NRXN3: variants seen among roughly 807,000 people sequenced by gnomAD.
NRXN3 encodes the protein neurexin III.
In NRXN3, 32 loss-of-function variants were observed where a neutral mutation model predicts 137.6. That is an observed-to-expected ratio of 0.23 (90% CI 0.18 to 0.31). The LOEUF (loss-of-function observed/expected upper bound fraction) is 0.31. Ranked by LOEUF, NRXN3 falls within the 10% of genes least tolerant of loss-of-function variation. The probability of loss-of-function intolerance (pLI) is 1.00; values close to 1 mark genes in which losing one functional copy is unlikely to be tolerated. For synonymous variants in NRXN3, 798 were observed against 784.5 expected, an observed-to-expected ratio of 1.02 and a Z score of -0.29; for missense variants, 1,574 against 2,062.5, an observed-to-expected ratio of 0.76 and a Z score of 4.59.
At chr14:79,114,791 G>T (rs1273188222) in intron 15 of NRXN3, among the ~76,000 whole-genome samples, 1 of 152,090 alleles carries the variant, frequency 6.6e-6, no homozygotes, top group Non-Finnish European at 1.5e-5. Flanking sequence ...GTCTCCCAAA[G>T]TGCTGAGATT....
chr14:79,594,180 G>T (rs1381420011), intron 16 of NRXN3, among the ~76,000 whole-genome samples: 1 of 152,168 alleles, frequency 6.6e-6, no homozygotes, highest in Non-Finnish European at 1.5e-5. Context: ...AAGCATGAAA[G>T]TTTTAGAAAT....
At chr14:78,562,118 G>A (rs141419125) in intron 4 of NRXN3, among the ~76,000 whole-genome samples, 2 of 152,180 alleles carry the variant, frequency 1.3e-5, no homozygotes, top group East Asian at 3.9e-4. Flanking sequence ...GCTGAGGCAG[G>A]TGGGGCACGA....
intron 4 of NRXN3, among the ~76,000 whole-genome samples, chr14:78,433,446 A>T (rs1374335937): frequency 6.6e-6 from 1 of 152,020 alleles, no homozygotes; most frequent in African/African-American, 2.4e-5. Context: ...CTGGGTGGCT[A>T]CTGTGTTTGA....
intron 15 of NRXN3, among the ~76,000 whole-genome samples, chr14:79,262,620 T>C (rs2077802069): frequency 6.6e-6 from 1 of 152,176 alleles, no homozygotes; most frequent in African/African-American, 2.4e-5. Flanking sequence ...CAAATATTTG[T>C]CAAAAGCATA....
intron 6 of NRXN3, among the ~76,000 whole-genome samples, chr14:78,658,884 G>A (rs1014997878): frequency 6.6e-6 from 1 of 152,214 alleles, no homozygotes; most frequent in African/African-American, 2.4e-5. Flanking sequence ...GAGCAAGGTG[G>A]AAAGAAGTGA....
intron 16 of NRXN3, among the ~76,000 whole-genome samples, chr14:79,656,164 G>C (rs190523756): frequency 2.0e-5 from 3 of 152,186 alleles, no homozygotes; most frequent in Admixed American, 6.5e-5. Context: ...AGGGCTTAAG[G>C]TTTCTTTATG....
chr14:79,386,439 A>G (rs1320624911), intron 15 of NRXN3, among the ~76,000 whole-genome samples: 1 of 152,124 alleles, frequency 6.6e-6, no homozygotes, highest in Non-Finnish European at 1.5e-5. Context: ...CCACTGCTCA[A>G]TGAAATAAAA....
intron 15 of NRXN3, among the ~76,000 whole-genome samples, chr14:79,465,098 G>C (rs910023438): frequency 2.0e-5 from 3 of 152,052 alleles, no homozygotes; most frequent in African/African-American, 7.2e-5. Context: ...TGCATTTTCT[G>C]GTGATTCTAT....
Position 79,326,067 on chromosome 14 carries a change from T to C in NRXN3, c.3263-141154T>C, listed in dbSNP as rs568148373. 1.2e-3 allele frequency among the ~76,000 whole-genome samples: 177 copies of C among 152,364 alleles called. 2 individuals are homozygous for C. Among genetic ancestry groups the C allele is most frequent in the Non-Finnish European group, 1.2e-3 (83 of 68,038 alleles). On this transcript the variant is annotated intron_variant, in intron 15 of 20. Transcript: ENST00000335750. ...TAAAAGCAGCTGCCTTTCCAAGTAC[T>C]GTCTATTTGCATTGATATTTACATT... is the stretch of plus-strand genomic sequence containing the variant.
chr14:78,455,144 A>G lies in NRXN3; in HGVS notation c.757+157284A>G, dbSNP rs546350467. Among the ~76,000 whole-genome samples the G allele has an allele frequency of 4.6e-4, 70 of 152,244 alleles. 1 individual carries two copies. Among genetic ancestry groups the G allele is most frequent in the Admixed American group, 9.8e-4 (15 of 15,290 alleles). Reference sequence around the variant, plus strand: ...GGAGCATTGCCGTCTTTCTGGAGAGACCATCAAGTGTCGCAACTGCACTGC... The same window carrying G: ...GGAGCATTGCCGTCTTTCTGGAGAGGCCATCAAGTGTCGCAACTGCACTGC... On this transcript the variant is annotated intron_variant, in intron 4 of 20. Transcript: ENST00000335750.
chr14:79,626,271 A>G (rs935221463), intron 16 of NRXN3, among the ~76,000 whole-genome samples: 1 of 151,630 alleles, frequency 6.6e-6, no homozygotes, highest in Non-Finnish European at 1.5e-5. Flanking sequence ...CCAGCCCAAG[A>G]AGAGCCAGAG....
At chr14:79,155,729 A>T (rs2060204006) in intron 15 of NRXN3, among the ~76,000 whole-genome samples, 1 of 151,834 alleles carries the variant, frequency 6.6e-6, no homozygotes, top group Middle Eastern at 3.2e-3. Flanking sequence ...GGCAGATTTT[A>T]AAAAGGCTTT....
intron 15 of NRXN3, among the ~76,000 whole-genome samples, chr14:79,367,415 T>G (rs2093937795): frequency 6.6e-6 from 1 of 152,206 alleles, no homozygotes; most frequent in Admixed American, 6.5e-5. Flanking sequence ...AAGTCTAATT[T>G]TTTAAAGTTT....
intron 8 of NRXN3, among the ~76,000 whole-genome samples, chr14:78,786,744 T>A (rs995418112): frequency 6.6e-6 from 1 of 152,206 alleles, no homozygotes; most frequent in African/African-American, 2.4e-5. Flanking sequence ...TATATACTTA[T>A]GTATATGTAC....
intron 4 of NRXN3, among the ~76,000 whole-genome samples, chr14:78,469,023 A>C (rs1318237887): frequency 1.3e-5 from 2 of 152,116 alleles, no homozygotes; most frequent in Non-Finnish European, 2.9e-5. Flanking sequence ...TGGAGGGAGA[A>C]AATAAGTTTA....
chr14:79,144,853 C>T (rs2059145578), intron 15 of NRXN3, among the ~76,000 whole-genome samples: 1 of 151,744 alleles, frequency 6.6e-6, no homozygotes. Flanking sequence ...TTCCATCATT[C>T]TCTCCTCTTT....
chr14:79,856,104 A>G (rs758256394), intron 20 of NRXN3, among the ~76,000 whole-genome samples: 9 of 152,126 alleles, frequency 5.9e-5, no homozygotes, highest in Non-Finnish European at 4.4e-5. Flanking sequence ...ATTTCAGACA[A>G]ACCCTTTGCT....
At chr14:78,627,428 G>A (rs2097476710) in intron 4 of NRXN3, among the ~76,000 whole-genome samples, 1 of 152,178 alleles carries the variant, frequency 6.6e-6, no homozygotes, top group South Asian at 2.1e-4. Flanking sequence ...CATGAAATGA[G>A]CAGCTTGGCT....
intron 16 of NRXN3, among the ~76,000 whole-genome samples, chr14:79,498,844 G>A (rs1352469667): frequency 6.6e-6 from 1 of 152,164 alleles, no homozygotes; most frequent in Admixed American, 6.5e-5. Context: ...GAGTGCAGTG[G>A]CACAATCATA....
Sources: gnomAD v4.1 joint callset for allele counts (sites outside exome capture counted in the v4.1 genomes callset) on GRCh38, gnomAD v4.1.1 for gene constraint, MANE v1.5 for transcripts, NCBI Gene and HGNC (gene_info 2026-07-23, HGNC 2026-07-21) for gene names.